Variants in CLDN18 observed in about 807,000 individuals in gnomAD.
CLDN18 encodes claudin-18.
In CLDN18, 20 loss-of-function variants were observed where a neutral mutation model predicts 25.0. That is an observed-to-expected ratio of 0.80 (90% CI 0.56 to 1.16). CLDN18 has a LOEUF of 1.16. Ranked by LOEUF, CLDN18 falls within the 50% of genes most tolerant of loss-of-function variation. CLDN18 has a pLI of 0.00. For missense variants in CLDN18, 297 were observed against 345.4 expected (o/e 0.86, Z 1.11); for synonymous variants, 125 against 135.6 (o/e 0.92, Z 0.54).
exon 1 of CLDN18, chr3:137,998,919 G>A (rs2107871989): frequency 6.2e-7 from 1 of 1,614,262 alleles, no homozygotes; most frequent in East Asian, 2.2e-5. Context: ...CACTGATTGG[G>A]ATTGCGGGCA....
chr3:138,029,781 C>A lies in CLDN18; in HGVS notation c.504-16C>A. On this transcript the variant is annotated splice_polypyrimidine_tract_variant and intron_variant, in intron 3 of 4. Coordinates refer to ENST00000183605, the MANE Select transcript of CLDN18 (RefSeq NM_016369.4). ...GTTGAGTCAACCATATTGACAGCCA[C>A]CATCTCCCTACCCAGGTACACATTT... is the stretch of plus-strand genomic sequence containing the variant. The A allele has an allele frequency of 3.4e-6, 5 of 1,485,030 alleles. No homozygotes were observed. Among genetic ancestry groups the A allele is most frequent in the African/African-American group, 1.4e-5 (1 of 71,750 alleles). 92.0% of individuals were successfully genotyped at this position (1,485,030 alleles called of 1,614,324 possible).
chr3:138,031,807 T>C lies in CLDN18; in HGVS notation c.*666T>C, dbSNP rs957157674. 2.0e-5 allele frequency: 3 copies of C among 152,212 alleles called. No individual in the cohort carries two copies. The highest frequency in any genetic ancestry group is 7.2e-5 in the African/African-American group (3 of 41,452). 9.4% of individuals were successfully genotyped at this position (152,212 alleles called of 1,614,324 possible). A position where few individuals can be genotyped will look rare whatever the true frequency, so the allele number is the denominator to read the frequency against. The stretch of plus-strand genomic sequence containing the variant: ...ACCATTCTAGGAGTTTCCTGAGCTC[T>C]CCACTGGAGTCCTCTTTCTGTCGCG... On this transcript the variant is annotated 3_prime_UTR_variant, in exon 5 of 5. Transcript: ENST00000183605.
chr3:138,020,915 ATG>A (rs1479550277), intron 1 of CLDN18, among the ~76,000 whole-genome samples: 1 of 152,140 alleles, frequency 6.6e-6, no homozygotes, highest in Non-Finnish European at 1.5e-5. Flanking sequence ...CCTCAAAACA[ATG>A]TGCTGTGATG....
At chr3:137,998,933 T>A in exon 1 of CLDN18, 3 of 1,614,242 alleles carry the variant, frequency 1.9e-6, no homozygotes, top group Non-Finnish European at 2.5e-6. Context: ...GCGGGCATCA[T>A]TGCTGCCACC....
chr3:138,001,771 A>G (rs1490998484), intron 1 of CLDN18, among the ~76,000 whole-genome samples: 1 of 152,206 alleles, frequency 6.6e-6, no homozygotes, highest in Non-Finnish European at 1.5e-5. Flanking sequence ...ATTCTTGCAT[A>G]CCATCAAGGT....
At chr3:138,002,401 G>A (rs1267786597) in intron 1 of CLDN18, among the ~76,000 whole-genome samples, 1 of 152,186 alleles carries the variant, frequency 6.6e-6, no homozygotes, top group African/African-American at 2.4e-5. Context: ...TGATGCTAAT[G>A]TACTGACCGC....
intron 2 of CLDN18, among the ~76,000 whole-genome samples, 178 bp from the exon 3 acceptor site, chr3:138,024,429 C>T (rs1309656276): frequency 6.6e-6 from 1 of 152,182 alleles, no homozygotes; most frequent in Non-Finnish European, 1.5e-5. Context: ...CGATATAAAA[C>T]ATTCTAAGCA....
chr3:138,009,449 T>A (rs1405022073), upstream of CLDN18, among the ~76,000 whole-genome samples: 1 of 152,132 alleles, frequency 6.6e-6, no homozygotes, highest in East Asian at 1.9e-4. Flanking sequence ...CCAGTTCCAA[T>A]GCTTATGGAC....
chr3:138,005,697 T>C (rs1316963595), upstream of CLDN18, among the ~76,000 whole-genome samples: 1 of 152,188 alleles, frequency 6.6e-6, no homozygotes, highest in Non-Finnish European at 1.5e-5. Context: ...ATAAGAACTT[T>C]CAAACACTGC....
chr3:138,022,871 G>A (rs527903269), intron 1 of CLDN18, among the ~76,000 whole-genome samples: 1 of 152,336 alleles, frequency 6.6e-6, no homozygotes, highest in East Asian at 1.9e-4. Flanking sequence ...GGAGGGCTCA[G>A]TAAACAATTG....
intron 1 of CLDN18, among the ~76,000 whole-genome samples, chr3:138,015,605 C>A (rs2107881384): frequency 6.6e-6 from 1 of 152,278 alleles, no homozygotes; most frequent in Non-Finnish European, 1.5e-5. Context: ...CAGTGGCTTG[C>A]ACCTGTAATC....
chr3:138,016,274 T>A (rs903091597), intron 1 of CLDN18, among the ~76,000 whole-genome samples: 6 of 152,188 alleles, frequency 3.9e-5, no homozygotes, highest in African/African-American at 1.4e-4. Context: ...TGCATCCTTT[T>A]CCCCTGCCCA....
In CLDN18 at chr3:138,033,097, C is replaced by G. The variant is rs189567724; in HGVS notation, c.*1956C>G. On this transcript the variant is annotated 3_prime_UTR_variant, in exon 5 of 5. Coordinates refer to ENST00000183605, the MANE Select transcript of CLDN18 (RefSeq NM_016369.4). Reference sequence around the variant, plus strand: ...ACCTCCAAGGGGATTGGTGAATACTCATAAGGATCTTCAGGCTGAACAGAC... The same window carrying G: ...ACCTCCAAGGGGATTGGTGAATACTGATAAGGATCTTCAGGCTGAACAGAC... 1 of 152,322 alleles carries G rather than the reference C, an allele frequency of 6.6e-6. No individual in the cohort carries two copies. Among genetic ancestry groups the G allele is most frequent in the Admixed American group, 6.5e-5 (1 of 15,304 alleles). The allele number at this position is 152,322 out of a possible 1,614,324, so 9.4% of individuals were successfully genotyped here.
chr3:138,030,937 T>G, intron 4 of CLDN18, 33 bp from the exon 5 acceptor site: 1 of 1,593,648 alleles, frequency 6.3e-7, no homozygotes, highest in Non-Finnish European at 8.6e-7. Context: ...AACAAAGACA[T>G]CTACAATCAT....
chr3:137,999,558 GGGCAGAGGAAAAA>G (rs764139637), intron 1 of CLDN18, among the ~76,000 whole-genome samples: 1 of 152,092 alleles, frequency 6.6e-6, no homozygotes, highest in African/African-American at 2.4e-5. Flanking sequence ...AATAGAAATC[GGGCAGAGGAAAAA>G]GGCAGAGAAA....
intron 1 of CLDN18, among the ~76,000 whole-genome samples, chr3:138,023,439 T>A (rs1942291728): frequency 6.6e-6 from 1 of 152,366 alleles, no homozygotes; most frequent in Admixed American, 6.5e-5. Flanking sequence ...TCTGAGTGCA[T>A]GTCCTTCATC....
chr3:138,000,872 G>A (rs1007195254), intron 1 of CLDN18, among the ~76,000 whole-genome samples: 4 of 152,214 alleles, frequency 2.6e-5, no homozygotes, highest in Admixed American at 2.6e-4. Flanking sequence ...CTGCCCAGTG[G>A]CTAGGACCTC....
intron 1 of CLDN18, among the ~76,000 whole-genome samples, chr3:138,020,913 C>A (rs1175816318): frequency 6.6e-6 from 1 of 152,180 alleles, no homozygotes; most frequent in Non-Finnish European, 1.5e-5. Flanking sequence ...TGCCTCAAAA[C>A]AATGTGCTGT....
At chr3:138,006,537 G>A (rs1942071489), upstream of CLDN18, among the ~76,000 whole-genome samples, 1 of 152,142 alleles carries the variant, frequency 6.6e-6, no homozygotes, top group Non-Finnish European at 1.5e-5. Flanking sequence ...CCCCATTATT[G>A]TTAAACAGAA....
Sources: gnomAD v4.1 joint callset for allele counts (sites outside exome capture counted in the v4.1 genomes callset) on GRCh38, gnomAD v4.1.1 for gene constraint, MANE v1.5 for transcripts, NCBI Gene and HGNC (gene_info 2026-07-23, HGNC 2026-07-21) for gene names.